MGST1: variants seen among roughly 807,000 people sequenced by gnomAD.
MGST1 encodes glutathione S-transferase 12.
In MGST1, 5 loss-of-function variants were observed where a neutral mutation model predicts 8.9. The observed-to-expected ratio is 0.56, with a 90% CI of 0.29 to 1.19. MGST1 has a LOEUF of 1.19. Ranked by LOEUF, MGST1 falls within the 50% of genes most tolerant of loss-of-function variation. MGST1 has a pLI of 0.08. For missense variants in MGST1, 182 were observed against 187.4 expected (o/e 0.97, Z 0.17); for synonymous variants, 54 against 67.8 (o/e 0.80, Z 1.00).
At chr12:16,430,422 C>T (rs1451911343) in intron 1 of MGST1, among the ~76,000 whole-genome samples, 1 of 152,164 alleles carries the variant, frequency 6.6e-6, no homozygotes, top group Non-Finnish European at 1.5e-5. Flanking sequence ...GAATCACTAA[C>T]TATTGCAGCC....
chr12:16,382,809 C>T (rs999196798), upstream of MGST1: 1 of 152,782 alleles, frequency 6.5e-6, no homozygotes, highest in Admixed American at 6.5e-5. Flanking sequence ...TTCCCAGCCG[C>T]TTTGTTTACC....
At chr12:16,527,075 C>T (rs551586644) in intron 4 of MGST1, among the ~76,000 whole-genome samples, 24 of 152,064 alleles carry the variant, frequency 1.6e-4, no homozygotes, top group Admixed American at 3.3e-4. Context: ...GGGGAGCAAA[C>T]GGTGGCCCTT....
intron 4 of MGST1, chr12:16,551,121 C>T (rs951857248): frequency 1.2e-4 from 90 of 770,656 alleles, no homozygotes; most frequent in Non-Finnish European, 1.8e-4. Context: ...CCTATATCTA[C>T]GCTATTCAGT....
chr12:16,544,209 T>C lies in MGST1; in HGVS notation n.483-45319T>C, dbSNP rs1941808940. Among the ~76,000 whole-genome samples the C allele has an allele frequency of 7.1e-6, 1 of 140,144 alleles. No homozygotes were observed. Among genetic ancestry groups the C allele is most frequent in the Non-Finnish European group, 1.5e-5 (1 of 66,294 alleles). The allele number at this position is 140,144 out of a possible 152,430, so 91.9% of individuals were successfully genotyped here. ...AAAACAAACTTTTTAAATTGACACC[T>C]TAAGTAAGAACTACACACACACACA... On this transcript the variant is annotated intron_variant and non_coding_transcript_variant, in intron 4 of 4. Coordinates refer to the MGST1 transcript ENST00000538857. The surrounding 1 kb of genome is among the most constrained non-coding windows in gnomAD (Gnocchi z 4.8).
At chr12:16,472,488 C>T (rs1249017912) in intron 4 of MGST1, among the ~76,000 whole-genome samples, 2 of 149,560 alleles carry the variant, frequency 1.3e-5, no homozygotes, top group South Asian at 4.2e-4. Context: ...CGCCAAATCA[C>T]TTTGAAAGTT....
rs145327941 is a variant in MGST1 at position 16,587,501 on chromosome 12, G to A, written n.483-2027G>A. Reference sequence around the variant, plus strand: ...TTTGCCTACTACTAGCAAATAAACTGTGCCTCTTTTTTAAATAAACCCCTG... The same window carrying A: ...TTTGCCTACTACTAGCAAATAAACTATGCCTCTTTTTTAAATAAACCCCTG... On this transcript the variant is annotated intron_variant and non_coding_transcript_variant, in intron 4 of 4. Coordinates refer to the MGST1 transcript ENST00000538857. The surrounding 1 kb of genome is among the most constrained non-coding windows in gnomAD (Gnocchi z 4.3). Among the ~76,000 whole-genome samples, 1 of 152,070 alleles carries A rather than the reference G, an allele frequency of 6.6e-6. No individual in the cohort carries two copies. The highest frequency in any genetic ancestry group is 1.9e-4 in the East Asian group (1 of 5,170).
At chr12:16,418,551 C>T (rs541007495) in intron 1 of MGST1, among the ~76,000 whole-genome samples, 1 of 152,168 alleles carries the variant, frequency 6.6e-6, no homozygotes, top group Admixed American at 6.5e-5. Flanking sequence ...CCCTCACTCA[C>T]CTCTGTTGTA....
At chr12:16,393,744 C>T (rs1940573370) in intron 1 of MGST1, among the ~76,000 whole-genome samples, 1 of 152,160 alleles carries the variant, frequency 6.6e-6, no homozygotes, top group Non-Finnish European at 1.5e-5. Flanking sequence ...ATTTTCCTTC[C>T]TTAGACCTGT....
chr12:16,374,082 C>A (rs1187908714), intron 3 of MGST1, among the ~76,000 whole-genome samples: 1 of 151,986 alleles, frequency 6.6e-6, no homozygotes, highest in Non-Finnish European at 1.5e-5. Flanking sequence ...CATGATACAT[C>A]CAGTGTAACA....
chr12:16,528,264 A>G (rs772345848), intron 4 of MGST1, among the ~76,000 whole-genome samples: 1 of 152,014 alleles, frequency 6.6e-6, no homozygotes, highest in Non-Finnish European at 1.5e-5. Context: ...CCATAGTGAA[A>G]CACACAGATA....
chr12:16,448,797 C>G (rs1229079952), intron 4 of MGST1, among the ~76,000 whole-genome samples: 1 of 151,914 alleles, frequency 6.6e-6, no homozygotes, highest in African/African-American at 2.4e-5. Flanking sequence ...TATCCTTATC[C>G]TGCAAATGCA....
At chr12:16,449,248 G>A (rs1014205461) in intron 4 of MGST1, among the ~76,000 whole-genome samples, 3 of 151,824 alleles carry the variant, frequency 2.0e-5, no homozygotes, top group African/African-American at 7.2e-5. Flanking sequence ...GAAGGTAAAC[G>A]GGAGGTCAGT....
chr12:16,467,593 C>T lies in MGST1; in HGVS notation n.482+83989C>T, dbSNP rs993372773. ...TTGTTTTCAATAGTCAGATGTGTTG[C>T]TTATTCCACTTTTAAAAAGTTCATA... On this transcript the variant is annotated intron_variant and non_coding_transcript_variant, in intron 4 of 4. Coordinates refer to the MGST1 transcript ENST00000538857. Among the ~76,000 whole-genome samples, 5 of 152,168 alleles carry T rather than the reference C, an allele frequency of 3.3e-5. No homozygotes were observed. In the East Asian group the frequency reaches 9.6e-4, roughly 29 times the overall value.
intron 4 of MGST1, among the ~76,000 whole-genome samples, chr12:16,583,288 G>T (rs565870581): frequency 6.6e-6 from 1 of 152,214 alleles, no homozygotes; most frequent in Non-Finnish European, 1.5e-5. Context: ...AGGGAGTATG[G>T]ATGACAACAA....
chr12:16,455,187 G>A (rs1042535797), intron 4 of MGST1, among the ~76,000 whole-genome samples: 5 of 151,802 alleles, frequency 3.3e-5, no homozygotes, highest in South Asian at 2.1e-4. Flanking sequence ...TCTACCTACC[G>A]GTTTGAAAAA....
chr12:16,356,979 A>G (rs1185202972), intron 2 of MGST1, among the ~76,000 whole-genome samples: 2 of 152,252 alleles, frequency 1.3e-5, no homozygotes, highest in African/African-American at 4.8e-5. Context: ...AAAAGATACC[A>G]GTGAACCATA....
chr12:16,436,938 A>T (rs2137099084), intron 1 of MGST1, among the ~76,000 whole-genome samples: 1 of 152,136 alleles, frequency 6.6e-6, no homozygotes, highest in South Asian at 2.1e-4. Flanking sequence ...AAAGAGCTTA[A>T]ACTGTAACTG....
chr12:16,437,089 G>A (rs1223519875), intron 1 of MGST1, among the ~76,000 whole-genome samples: 1 of 151,894 alleles, frequency 6.6e-6, no homozygotes, highest in African/African-American at 2.4e-5. Flanking sequence ...ACTGAAGCCT[G>A]GAGTACCCTG....
rs75884761 is a variant in MGST1, at chr12:16,471,201, T to C, written n.482+87597T>C. Among the ~76,000 whole-genome samples, 577 of 152,360 alleles carry C rather than the reference T, an allele frequency of 3.8e-3. 2 individuals are homozygous for C. Among genetic ancestry groups the C allele is most frequent in the African/African-American group, 0.013 (537 of 41,576 alleles). On this transcript the variant is annotated intron_variant and non_coding_transcript_variant, in intron 4 of 4. Coordinates refer to the MGST1 transcript ENST00000538857. ...TCCAGGAGACTGTATTAAGGAAACA[T>C]AGAATTTGCCATTCTAGATCAGACC...
Sources: gnomAD v4.1 joint callset for allele counts (sites outside exome capture counted in the v4.1 genomes callset) on GRCh38, gnomAD v4.1.1 for gene constraint, Gnocchi (gnomAD v3.1) non-coding constraint, MANE v1.5 for transcripts, NCBI Gene and HGNC (gene_info 2026-07-23, HGNC 2026-07-21) for gene names.